The following IGF1 variants were observed in gnomAD, a reference collection of about 807,000 sequenced individuals.
IGF1 encodes the protein insulin like growth factor 1, also known as insulin-like growth factor 1.
A neutral mutation model predicts 13.8 loss-of-function variants in IGF1; 4 were observed. The ratio of observed to expected loss-of-function variants is 0.29; its 90% CI spans 0.14 to 0.66. The LOEUF (loss-of-function observed/expected upper bound fraction) is 0.66, where lower values mean the gene tolerates loss of function less well. Among genes scored for constraint, IGF1 ranks in the 30% least tolerant of loss-of-function variants. The pLI is 0.78. For synonymous variants in IGF1, 76 were observed against 72.6 expected (o/e 1.05, Z -0.23); for missense variants, 124 against 188.5 (o/e 0.66, Z 2.00).
chr12:102,476,890 C>A (rs1223661737), intron 1 of IGF1, among the ~76,000 whole-genome samples: 1 of 152,166 alleles, frequency 6.6e-6, no homozygotes, highest in African/African-American at 2.4e-5. Context: ...TAAGTTTTTC[C>A]ATATTGTTAC....
At chr12:102,477,084 G>T (rs1881094910) in intron 1 of IGF1, among the ~76,000 whole-genome samples, 1 of 151,610 alleles carries the variant, frequency 6.6e-6, no homozygotes, top group Non-Finnish European at 1.5e-5. Context: ...CATTTTTTTT[G>T]AACCTCAGAG....
chr12:102,473,173 G>A (rs938227817), intron 2 of IGF1, among the ~76,000 whole-genome samples: 8 of 151,982 alleles, frequency 5.3e-5, no homozygotes, highest in Admixed American at 2.6e-4. Flanking sequence ...CCATTGACAG[G>A]GTATTATTCT....
At chr12:102,437,422 G>A (rs1280190766) in intron 2 of IGF1, among the ~76,000 whole-genome samples, 1 of 152,228 alleles carries the variant, frequency 6.6e-6, no homozygotes, top group Non-Finnish European at 1.5e-5. Context: ...TCTGTTAATT[G>A]TTCCTTTGCT....
At position 102,443,390 on chromosome 12, in the gene IGF1, A is replaced by T. The variant is rs574960893; in HGVS notation, c.221-23700T>A. On this transcript the variant is annotated intron_variant, in intron 2 of 3. Coordinates refer to ENST00000337514, the MANE Select transcript of IGF1 (RefSeq NM_000618.5). ...GTATAATGTTGAACCTCCAGCAGCC[A>T]TCTTGGCCCCTGCAGATGAGGGCCA... Among the ~76,000 whole-genome samples, 386 of 152,230 alleles carry T rather than the reference A, an allele frequency of 2.5e-3. 5 individuals carry two copies. Among genetic ancestry groups the T allele is most frequent in the Non-Finnish European group, 3.1e-3 (209 of 68,006 alleles).
At chr12:102,466,904 T>C (rs1291540601) in intron 2 of IGF1, among the ~76,000 whole-genome samples, 1 of 151,954 alleles carries the variant, frequency 6.6e-6, no homozygotes, top group Non-Finnish European at 1.5e-5. Context: ...AGACCCTGTC[T>C]CAAAAAAACA....
intron 2 of IGF1, among the ~76,000 whole-genome samples, chr12:102,454,776 G>A (rs1879254194): frequency 6.6e-6 from 1 of 152,222 alleles, no homozygotes; most frequent in Admixed American, 6.5e-5. Context: ...GTTGGATAGA[G>A]CCCCAAATAT....
rs182916643 is a variant in IGF1, at chr12:102,477,730, T to G, written c.64-1931A>C. On this transcript the variant is annotated intron_variant, in intron 1 of 3. Coordinates refer to ENST00000337514, the MANE Select transcript of IGF1 (RefSeq NM_000618.5). ...GAAAGTATGTTATTCTACCGAATCC[T>G]ATTTCTCCACCCCTCCCTTCTTTGT... is the stretch of plus-strand genomic sequence containing the variant. 2.4e-4 allele frequency among the ~76,000 whole-genome samples: 36 copies of G among 152,280 alleles called. No individual in the cohort carries two copies. The East Asian group carries it at 5.4e-3, about 23-fold the overall frequency.
At chr12:102,470,558 A>G (rs1880621413) in intron 2 of IGF1, among the ~76,000 whole-genome samples, 1 of 152,188 alleles carries the variant, frequency 6.6e-6, no homozygotes, top group Non-Finnish European at 1.5e-5. Flanking sequence ...AGTGGTACTA[A>G]TGAGGCCAGG....
intron 2 of IGF1, among the ~76,000 whole-genome samples, chr12:102,448,924 A>G (rs1878639211): frequency 6.6e-6 from 1 of 152,198 alleles, no homozygotes; most frequent in Admixed American, 6.5e-5. Context: ...ATGTGGAGAA[A>G]TAGAAATGCT....
intron 2 of IGF1, among the ~76,000 whole-genome samples, chr12:102,441,797 T>C (rs1877739306): frequency 6.6e-6 from 1 of 152,134 alleles, no homozygotes; most frequent in Admixed American, 6.6e-5. Flanking sequence ...GTTGAAAATA[T>C]TGAGCCATAG....
intron 2 of IGF1, among the ~76,000 whole-genome samples, chr12:102,422,096 C>T (rs1875777624): frequency 1.3e-5 from 2 of 152,204 alleles, no homozygotes; most frequent in African/African-American, 4.8e-5. Flanking sequence ...TGACATGACT[C>T]AGTCAAACTC....
intron 2 of IGF1, among the ~76,000 whole-genome samples, chr12:102,431,955 C>T (rs572552712): frequency 6.6e-6 from 1 of 152,264 alleles, no homozygotes; most frequent in South Asian, 2.1e-4. Context: ...GGGCAGTCAG[C>T]CTTGTTTCAT....
At chr12:102,428,058 C>T (rs1263969901) in intron 2 of IGF1, among the ~76,000 whole-genome samples, 1 of 151,390 alleles carries the variant, frequency 6.6e-6, no homozygotes, top group Non-Finnish European at 1.5e-5. Context: ...ATATTGAAAA[C>T]AACATTGGAT....
At chr12:102,428,266 T>C (rs769010997) in intron 2 of IGF1, among the ~76,000 whole-genome samples, 18 of 52,694 alleles carry the variant, frequency 3.4e-4, no homozygotes, top group Admixed American at 7.4e-4. Context: ...TTAATGTTTC[T>C]AGCTAATAAT....
At chr12:102,454,962 C>G (rs1879269809) in intron 2 of IGF1, among the ~76,000 whole-genome samples, 1 of 152,186 alleles carries the variant, frequency 6.6e-6, no homozygotes, top group Non-Finnish European at 1.5e-5. Context: ...AGGGCCAGAG[C>G]TGCTTTTCCA....
chr12:102,441,955 CTTT>C lies in IGF1; in HGVS notation c.221-22268_221-22266del, dbSNP rs1268306262. On this transcript the variant is annotated intron_variant, in intron 2 of 3. Transcript: ENST00000337514. ...TCTTCTTCTTCTTCTTCTTCTTCTTCTTTTTTTTTTTTGAGACAGGGTTTTGCA... is the reference window on the plus strand; with the variant it reads ...TCTTCTTCTTCTTCTTCTTCTTCTTCTTTTTTTTTGAGACAGGGTTTTGCA... 1.4e-3 allele frequency among the ~76,000 whole-genome samples: 194 copies of C among 140,018 alleles called. 7 individuals are homozygous for C. The highest frequency in any genetic ancestry group is 3.4e-3 in the African/African-American group (127 of 37,140). The allele number at this position is 140,018 out of a possible 152,430, so 91.9% of individuals were successfully genotyped here.
chr12:102,472,125 G>T (rs1880724008), intron 2 of IGF1, among the ~76,000 whole-genome samples: 1 of 152,088 alleles, frequency 6.6e-6, no homozygotes, highest in Non-Finnish European at 1.5e-5. Context: ...AGAACACAAG[G>T]CTGGCTGATA....
intron 3 of IGF1, chr12:102,418,120 AG>A (rs1875328458): frequency 3.7e-6 from 4 of 1,084,500 alleles, no homozygotes; most frequent in Non-Finnish European, 5.2e-6. Flanking sequence ...CATGCTGGAG[AG>A]GGGTCTAGAC....
intron 2 of IGF1, among the ~76,000 whole-genome samples, chr12:102,445,320 C>T (rs995670536): frequency 6.6e-6 from 1 of 151,958 alleles, no homozygotes; most frequent in African/African-American, 2.4e-5. Context: ...CTATAAATTA[C>T]TTTGGGCAGT....
Sources: gnomAD v4.1 joint callset for allele counts (sites outside exome capture counted in the v4.1 genomes callset) on GRCh38, gnomAD v4.1.1 for gene constraint, MANE v1.5 for transcripts, NCBI Gene and HGNC (gene_info 2026-07-23, HGNC 2026-07-21) for gene names.